ODAD2: variants seen among roughly 807,000 people sequenced by gnomAD.
ODAD2 encodes outer dynein arm docking complex subunit 2.
In ODAD2, 89 loss-of-function variants were observed where a neutral mutation model predicts 106.8. The ratio of observed to expected loss-of-function variants is 0.83; its 90% confidence interval spans 0.70 to 0.99. ODAD2 has a LOEUF of 0.99. ODAD2 is among the 50% of genes least tolerant of loss of function. ODAD2 has a pLI of 0.00. For missense variants in ODAD2, 1,168 were observed against 1,238.5 expected (o/e 0.94, Z 0.85); for synonymous variants, 404 against 436.2 (o/e 0.93, Z 0.92).
rs943365172 is a variant in ODAD2 at position 27,936,725 on chromosome 10, C to T, written c.2252+1G>A. 1 of 1,613,784 alleles carries T rather than the reference C, an allele frequency of 6.2e-7. No homozygotes were observed. Reference sequence around the variant, plus strand: ...TCAGAATATTGAGAGCCTTCTCTTACTTGGTAACATTCTCTTTGCTGATGG... The same window carrying T: ...TCAGAATATTGAGAGCCTTCTCTTATTTGGTAACATTCTCTTTGCTGATGG... On this transcript the variant is annotated splice_donor_variant, in intron 15 of 19. Coordinates refer to ENST00000305242, the MANE Select transcript of ODAD2 (RefSeq NM_018076.5). LOFTEE classifies it high-confidence loss of function.
At chr10:27,843,371 G>A (rs571172149) in intron 19 of ODAD2, among the ~76,000 whole-genome samples, 7 of 152,168 alleles carry the variant, frequency 4.6e-5, no homozygotes, top group African/African-American at 7.2e-5. Flanking sequence ...CAATTGTAGC[G>A]GATGGTGTAG....
chr10:27,867,836 C>A (rs1321593084), intron 17 of ODAD2, among the ~76,000 whole-genome samples: 3 of 151,778 alleles, frequency 2.0e-5, no homozygotes, highest in Admixed American at 2.0e-4. Flanking sequence ...GTAATCCCAG[C>A]TATTTGGGAG....
Position 27,939,976 on chromosome 10 carries a change from C to T in ODAD2, c.2018G>A (p.Arg673Lys). 2 of 1,610,208 alleles carry T rather than the reference C, an allele frequency of 1.2e-6. No homozygotes were observed. The highest frequency in any genetic ancestry group is 1.1e-5 in the South Asian group (1 of 90,530). The change falls in exon 14 of 20, where the codon AGG becomes AAG. Residue 673 changes from arginine (R) to lysine (K), a missense_variant. Around this residue, in one of 3 missense-constraint regions of ODAD2, gnomAD observed 701 missense variants for 712.3 expected, o/e 0.98. Transcript: ENST00000305242. ...GTTCTTGACAAGGTTTTCAATGATC[C>T]TTTCTGCTTTGATTGCAGCCCGGTA... ...ENYRAAIKAE[R>K]IIENLVKNLN...
At chr10:27,924,887 A>T (rs893489829) in intron 16 of ODAD2, among the ~76,000 whole-genome samples, 1 of 151,646 alleles carries the variant, frequency 6.6e-6, no homozygotes, top group Non-Finnish European at 1.5e-5. Context: ...ATAATTTTTT[A>T]AAAAACTGTA....
At chr10:27,833,981 G>A (rs969617610) in intron 19 of ODAD2, among the ~76,000 whole-genome samples, 9 of 152,138 alleles carry the variant, frequency 5.9e-5, no homozygotes, top group Non-Finnish European at 1.2e-4. Flanking sequence ...TCCACATGGC[G>A]CCACCTTACA....
chr10:27,879,462 A>C (rs966034103), intron 17 of ODAD2, among the ~76,000 whole-genome samples: 2 of 151,670 alleles, frequency 1.3e-5, no homozygotes, highest in Non-Finnish European at 2.9e-5. Context: ...TAAAATGTAT[A>C]TATATTTAAA....
chr10:27,825,664 G>C (rs1203866211), intron 19 of ODAD2, among the ~76,000 whole-genome samples: 1 of 152,162 alleles, frequency 6.6e-6, no homozygotes, highest in Non-Finnish European at 1.5e-5. Flanking sequence ...CCAAATCTAG[G>C]TCAGCTCCAC....
chr10:27,828,272 T>C (rs531644123), intron 19 of ODAD2, among the ~76,000 whole-genome samples: 17 of 152,200 alleles, frequency 1.1e-4, no homozygotes, highest in Admixed American at 3.3e-4. Context: ...CCTGATATGA[T>C]GATTTCCCCA....
At chr10:27,949,639 C>G (rs191953646) in intron 10 of ODAD2, among the ~76,000 whole-genome samples, 257 of 152,208 alleles carry the variant, frequency 1.7e-3, no homozygotes, top group African/African-American at 5.9e-3. Context: ...ACCAGCTGGG[C>G]TGCTGGGCCC....
intron 19 of ODAD2, among the ~76,000 whole-genome samples, chr10:27,852,890 G>A (rs954126186): frequency 1.3e-5 from 2 of 150,982 alleles, no homozygotes; most frequent in Admixed American, 1.3e-4. Context: ...GAACCTGGGA[G>A]GTGGAAGTTG....
At chr10:27,821,715 C>G (rs2065689) in intron 19 of ODAD2, among the ~76,000 whole-genome samples, 4 of 152,052 alleles carry the variant, frequency 2.6e-5, no homozygotes, top group African/African-American at 9.7e-5. Flanking sequence ...GGAAAGTGAA[C>G]TACAAATTTG....
chr10:27,965,927 T>A (rs777515000), intron 9 of ODAD2, among the ~76,000 whole-genome samples: 6 of 152,238 alleles, frequency 3.9e-5, no homozygotes, highest in African/African-American at 9.6e-5. Flanking sequence ...TAAGCCTTCA[T>A]GCTTATATCA....
At chr10:27,976,611 GGAGA>G (rs1180705013) in intron 7 of ODAD2, among the ~76,000 whole-genome samples, 3 of 152,082 alleles carry the variant, frequency 2.0e-5, no homozygotes, top group African/African-American at 4.8e-5. Context: ...CTAAATAAAT[GGAGA>G]GACATACTAT....
chr10:27,864,085 T>C (rs1840262720), intron 17 of ODAD2, among the ~76,000 whole-genome samples: 1 of 151,898 alleles, frequency 6.6e-6, no homozygotes, highest in South Asian at 2.1e-4. Flanking sequence ...GTGCAAAGAA[T>C]GGTATAGGGA....
At chr10:27,889,324 T>C (rs1842420000) in intron 17 of ODAD2, among the ~76,000 whole-genome samples, 1 of 152,120 alleles carries the variant, frequency 6.6e-6, no homozygotes, top group Non-Finnish European at 1.5e-5. Context: ...AAAGCGGGCA[T>C]GCTGGAAAAG....
intron 10 of ODAD2, among the ~76,000 whole-genome samples, chr10:27,949,902 A>G (rs1243931239): frequency 6.6e-6 from 1 of 152,114 alleles, no homozygotes; most frequent in Non-Finnish European, 1.5e-5. Flanking sequence ...AAAGGATGCT[A>G]CAAGTGTAGA....
At chr10:27,900,693 C>T (rs1213273298) in intron 17 of ODAD2, among the ~76,000 whole-genome samples, 1 of 152,070 alleles carries the variant, frequency 6.6e-6, no homozygotes, top group Non-Finnish European at 1.5e-5. Context: ...CTGAATCGAT[C>T]AGGCGGAAGA....
intron 17 of ODAD2, among the ~76,000 whole-genome samples, chr10:27,888,008 C>G (rs1842340426): frequency 6.6e-6 from 1 of 152,010 alleles, no homozygotes; most frequent in African/African-American, 2.4e-5. Context: ...AAAATCTGAA[C>G]AGATCAGTAA....
At chr10:27,943,643 C>T (rs879300205) in intron 12 of ODAD2, among the ~76,000 whole-genome samples, 2 of 151,298 alleles carry the variant, frequency 1.3e-5, no homozygotes, top group African/African-American at 2.4e-5. Flanking sequence ...AAAAATTGGC[C>T]GGGCTTGATG....
Sources: gnomAD v4.1 joint callset for allele counts (sites outside exome capture counted in the v4.1 genomes callset) on GRCh38, gnomAD v4.1.1 for gene constraint, gnomAD v4.1.1 regional missense constraint, MANE v1.5 for transcripts, NCBI Gene and HGNC (gene_info 2026-07-23, HGNC 2026-07-21) for gene names.